The following EXOSC8 variants were observed in gnomAD, a reference collection of about 807,000 sequenced individuals.
EXOSC8 encodes the protein exosome complex component RRP43.
In EXOSC8, 37 loss-of-function variants were observed where a neutral mutation model predicts 39.9. The ratio of observed to expected loss-of-function variants is 0.93; its 90% CI spans 0.71 to 1.22. The LOEUF is 1.22. EXOSC8 is among the 50% of genes most tolerant of loss of function. The pLI, the probability that EXOSC8 is intolerant of heterozygous loss-of-function variation, is 0.00. For missense variants in EXOSC8, 313 were observed against 326.6 expected (o/e 0.96, Z 0.32); for synonymous variants, 93 against 109.5 (o/e 0.85, Z 0.94).
chr13:37,003,908 G>A (rs1418584850), intron 4 of EXOSC8: 1 of 143,498 alleles, frequency 7.0e-6, no homozygotes. Context: ...GTCTTGCTCT[G>A]TCGCCCAGGC....
At chr13:37,008,028 A>C (rs1410480978) in intron 8 of EXOSC8, 29 bp from the exon 9 acceptor site, 2 of 1,515,406 alleles carry the variant, frequency 1.3e-6, no homozygotes, top group African/African-American at 2.8e-5. Context: ...TTAGAGACTT[A>C]CTTACTTTAC....
intron 9 of EXOSC8, 46 bp downstream of exon 9, chr13:37,008,223 G>T: frequency 6.8e-7 from 1 of 1,475,430 alleles, no homozygotes; most frequent in South Asian, 1.2e-5. Context: ...TTTAAGATTA[G>T]GGTAATTGAT....
rs1383598167 is a variant in EXOSC8, at chr13:37,009,288, A to G, written c.820A>G (p.Lys274Glu). The G allele has an allele frequency of 1.3e-6, 2 of 1,548,424 alleles. No individual in the cohort carries two copies. The highest frequency in any genetic ancestry group is 1.7e-5 in the Admixed American group (1 of 58,884). The stretch of plus-strand genomic sequence containing the variant: ...GATGGATGAAGTAATTAAGAGTATG[A>G]AACCCAAATAAACAGCCACCACATT... ...KLMDEVIKSM[K>E]PK The change falls in exon 11 of 11, where the codon AAA becomes GAA. Residue 274 changes from lysine to glutamate, a missense_variant. By Grantham distance (56) the Lys-to-Glu change is moderately conservative. Coordinates refer to ENST00000389704, the MANE Select transcript of EXOSC8 (RefSeq NM_181503.3).
In EXOSC8 at chr13:37,004,557, C is replaced by T. The variant is rs747216574; in HGVS notation, c.234C>T (p.Tyr78=). 8.8e-6 allele frequency: 14 copies of T among 1,596,032 alleles called. No individual in the cohort carries two copies. Among genetic ancestry groups the T allele is most frequent in the African/African-American group, 4.0e-5 (3 of 74,446 alleles). Residue 78 remains tyrosine (Y), a synonymous_variant, in exon 5 of 11, where the codon TAC becomes TAT. Coordinates refer to ENST00000389704, the MANE Select transcript of EXOSC8 (RefSeq NM_181503.3). The part of the protein sequence containing the change: ...APSTDAPDKG[Y]VVPNVDLPPL... ...CAACAGATGCCCCTGATAAAGGATA[C>T]GTTGGTAAGTTAAATGGTTTTGTAA...
intron 8 of EXOSC8, among the ~76,000 whole-genome samples, 180 bp downstream of exon 8, chr13:37,007,251 C>G (rs1336526581): frequency 1.3e-5 from 2 of 152,218 alleles, no homozygotes; most frequent in Non-Finnish European, 2.9e-5. Flanking sequence ...TAGAGTGCTG[C>G]TTTGACTGTA....
intron 10 of EXOSC8, 28 bp from the exon 11 acceptor site, chr13:37,009,156 T>G (rs1273637398): frequency 7.1e-7 from 1 of 1,409,214 alleles, no homozygotes; most frequent in South Asian, 1.2e-5. Flanking sequence ...TAACTGAGAT[T>G]AAAAGTATTG....
chr13:37,002,606 G>T, intron 3 of EXOSC8, 55 bp downstream of exon 3: 1 of 1,211,714 alleles, frequency 8.3e-7, no homozygotes, highest in African/African-American at 1.5e-5. Flanking sequence ...TTTAGTCTAT[G>T]AACCAGCCAA....
intron 8 of EXOSC8, among the ~76,000 whole-genome samples, chr13:37,007,437 T>G (rs2059148766): frequency 6.6e-6 from 1 of 152,222 alleles, no homozygotes; most frequent in Non-Finnish European, 1.5e-5. Flanking sequence ...GTTTTTACTG[T>G]GAGGCCATAG....
In EXOSC8 at chr13:37,009,168, CA is replaced by C; in HGVS notation, c.716-12del. ...TGATAACTGAGATTAAAAGTATTGG[CA>C]AAATAATTTTTCAGGTGGAAGTGGG... is the stretch of plus-strand genomic sequence containing the variant. On this transcript the variant is annotated splice_polypyrimidine_tract_variant and intron_variant, in intron 10 of 10. Transcript: ENST00000389704. The C allele has an allele frequency of 6.5e-7, 1 of 1,528,204 alleles. No homozygotes were observed. The allele number at this position is 1,528,204 out of a possible 1,614,324, so 94.7% of individuals were successfully genotyped here.
intron 5 of EXOSC8, 69 bp from the exon 6 acceptor site, chr13:37,005,851 A>G: frequency 1.3e-6 from 1 of 795,386 alleles, no homozygotes; most frequent in Non-Finnish European, 2.0e-6. Flanking sequence ...CAACAGAGCA[A>G]GACTCCATCT....
In EXOSC8 at chr13:37,005,862, CAAAAAAAAAAA is replaced by C. The variant is rs59234766; in HGVS notation, c.239-45_239-35del. On this transcript the variant is annotated intron_variant, in intron 5 of 10. Coordinates refer to ENST00000389704, the MANE Select transcript of EXOSC8 (RefSeq NM_181503.3). ...CTGGCAACAGAGCAAGACTCCATCT[CAAAAAAAAAAA>C]AAAAAAAAAAAAGGTTTAGTTCATA... 98 of 297,042 alleles carry C rather than the reference CAAAAAAAAAAA, an allele frequency of 3.3e-4. 2 individuals carry two copies. In the East Asian group the frequency reaches 7.7e-3, roughly 23 times the overall value. 18.4% of individuals were successfully genotyped at this position (297,042 alleles called of 1,614,324 possible).
chr13:37,004,913 C>T (rs7990003), intron 5 of EXOSC8, among the ~76,000 whole-genome samples: 3,654 of 152,154 alleles, frequency 0.024, 105 homozygotes, highest in African/African-American at 0.072. Flanking sequence ...CCCAGCAGTT[C>T]AAGACCAGCC....
intron 8 of EXOSC8, among the ~76,000 whole-genome samples, chr13:37,007,379 CAT>C (rs1285138554): frequency 6.6e-6 from 1 of 152,140 alleles, no homozygotes; most frequent in African/African-American, 2.4e-5. Context: ...CCAGTATCCT[CAT>C]AGTTCTTTAT....
chr13:37,002,771 T>C (rs2059114975), intron 3 of EXOSC8, among the ~76,000 whole-genome samples, 163 bp from the exon 4 acceptor site: 1 of 152,220 alleles, frequency 6.6e-6, no homozygotes, highest in Non-Finnish European at 1.5e-5. Flanking sequence ...TTAAAATAGT[T>C]ATGTAAAAAT....
At chr13:37,005,254 C>G (rs1044183001) in intron 5 of EXOSC8, among the ~76,000 whole-genome samples, 8 of 151,858 alleles carry the variant, frequency 5.3e-5, no homozygotes, top group Non-Finnish European at 1.0e-4. Flanking sequence ...TGGTAGGAAC[C>G]AACATTTTTT....
At chr13:37,001,238 G>A (rs1001098633) in intron 1 of EXOSC8, among the ~76,000 whole-genome samples, 2 of 152,126 alleles carry the variant, frequency 1.3e-5, no homozygotes, top group Admixed American at 1.3e-4. Flanking sequence ...GTGAAACACT[G>A]TCTCTAATAA....
chr13:37,006,934 TAGA>T (rs776971750), intron 7 of EXOSC8, 38 bp from the exon 8 acceptor site: 22 of 1,237,546 alleles, frequency 1.8e-5, no homozygotes, highest in Non-Finnish European at 2.5e-5. Context: ...TTCTACCCAT[TAGA>T]AGACTTTAAT....
Position 37,007,825 on chromosome 13 carries a change from T to C in EXOSC8, c.488-232T>C, listed in dbSNP as rs903552186. Among the ~76,000 whole-genome samples the C allele has an allele frequency of 8.5e-5, 13 of 152,174 alleles. No individual in the cohort carries two copies. In the South Asian group the frequency reaches 2.7e-3, roughly 32 times the overall value. On this transcript the variant is annotated intron_variant, in intron 8 of 10. Coordinates refer to ENST00000389704, the MANE Select transcript of EXOSC8 (RefSeq NM_181503.3). ...CAGATATAAATTTAAAAAAAAATCA[T>C]TGACTTCTTAAACTTAAAAAAAAAT...
intron 1 of EXOSC8, 78 bp downstream of exon 1, chr13:37,000,900 C>T: frequency 7.7e-6 from 11 of 1,429,716 alleles, no homozygotes; most frequent in Non-Finnish European, 8.3e-6. Context: ...CTGGGATTCT[C>T]TCACCTGGAG....
Sources: gnomAD v4.1 joint callset for allele counts (sites outside exome capture counted in the v4.1 genomes callset) on GRCh38, gnomAD v4.1.1 for gene constraint, MANE v1.5 for transcripts, NCBI Gene and HGNC (gene_info 2026-07-23, HGNC 2026-07-21) for gene names.